Variants in TDRP observed in about 807,000 individuals in gnomAD.
TDRP encodes the protein testis development related protein, also known as testis development-related protein.
TDRP carries 12 observed loss-of-function variants against 10.5 expected under a neutral mutation model. The observed-to-expected ratio is 1.15, with a 90% CI of 0.73 to 1.86. The LOEUF (loss-of-function observed/expected upper bound fraction) is 1.86, where lower values mean the gene tolerates loss of function less well. Among genes scored for constraint, TDRP ranks in the 40% most tolerant of loss-of-function variants. The pLI is 0.00. For synonymous variants in TDRP, 139 were observed against 95.4 expected (o/e 1.46, Z -2.67); for missense variants, 353 against 229.2 (o/e 1.54, Z -3.49).
In TDRP at chr8:492,760, G is replaced by C. The variant is rs372925996; in HGVS notation, c.213-16C>G. On this transcript the variant is annotated splice_polypyrimidine_tract_variant and intron_variant, in intron 2 of 2. Transcript: ENST00000324079. ...TAAGTTAGTTCTATAGGAGATGAAA[G>C]AGTTAGGTGTTGGTGACCCAGGTCT... 21 of 1,564,568 alleles carry C rather than the reference G, an allele frequency of 1.3e-5. No individual in the cohort carries two copies. The highest frequency in any genetic ancestry group is 1.8e-5 in the Admixed American group (1 of 55,054).
In TDRP at chr8:497,091, G is replaced by A. The variant is rs371980527; in HGVS notation, c.109-2494C>T. The stretch of plus-strand genomic sequence containing the variant: ...CACAGAGAATTGGTACGAGAGGAGT[G>A]CGGTACTGCTATAAAGATACCTGAA... On this transcript the variant is annotated intron_variant, in intron 1 of 2. Coordinates refer to ENST00000324079, the MANE Select transcript of TDRP (RefSeq NM_001384899.1). Among the ~76,000 whole-genome samples, 21 of 152,284 alleles carry A rather than the reference G, an allele frequency of 1.4e-4. No individual in the cohort carries two copies. In the East Asian group the frequency reaches 1.5e-3, roughly 11 times the overall value.
chr8:538,350 G>C (rs1043234728), intron 1 of TDRP, among the ~76,000 whole-genome samples: 1 of 152,182 alleles, frequency 6.6e-6, no homozygotes, highest in African/African-American at 2.4e-5. Context: ...AAGGACAAAA[G>C]CGAGGTCCTG....
At chr8:517,252 A>T (rs1801780889) in intron 1 of TDRP, among the ~76,000 whole-genome samples, 1 of 152,112 alleles carries the variant, frequency 6.6e-6, no homozygotes, top group Admixed American at 6.5e-5. Flanking sequence ...AGGAAATAAA[A>T]ATATTTTACC....
At chr8:525,383 T>C (rs1357036496) in intron 1 of TDRP, among the ~76,000 whole-genome samples, 2 of 152,188 alleles carry the variant, frequency 1.3e-5, no homozygotes, top group East Asian at 3.8e-4. Flanking sequence ...CAAAACTTAC[T>C]GGTAATACTA....
chr8:507,834 CAAAAT>C (rs1192971098), intron 1 of TDRP, among the ~76,000 whole-genome samples: 24 of 152,272 alleles, frequency 1.6e-4, no homozygotes, highest in African/African-American at 5.3e-4. Flanking sequence ...ACCTGGGTGA[CAAAAT>C]AATCTGTACA....
At chr8:519,480 G>A (rs927200438) in intron 1 of TDRP, among the ~76,000 whole-genome samples, 2 of 152,064 alleles carry the variant, frequency 1.3e-5, no homozygotes, top group African/African-American at 2.4e-5. Flanking sequence ...CAAGTATAGA[G>A]TTCAATTGCG....
intron 1 of TDRP, among the ~76,000 whole-genome samples, chr8:527,098 A>C (rs1002709253): frequency 1.3e-5 from 2 of 152,132 alleles, no homozygotes; most frequent in Non-Finnish European, 2.9e-5. Context: ...ACAAATTCAA[A>C]ATCAACAGAC....
chr8:519,203 T>C (rs1341906432), intron 1 of TDRP, among the ~76,000 whole-genome samples: 3 of 152,174 alleles, frequency 2.0e-5, no homozygotes, highest in South Asian at 2.1e-4. Context: ...AGTGAACCCA[T>C]CCATGTGCTG....
chr8:520,627 G>A (rs1584872037), intron 1 of TDRP, among the ~76,000 whole-genome samples: 1 of 152,110 alleles, frequency 6.6e-6, no homozygotes, highest in Admixed American at 6.6e-5. Flanking sequence ...TTTTTTGATT[G>A]TAGCCATACT....
At chr8:519,582 C>G (rs988971927) in intron 1 of TDRP, among the ~76,000 whole-genome samples, 1 of 152,296 alleles carries the variant, frequency 6.6e-6, no homozygotes, top group East Asian at 1.9e-4. Flanking sequence ...CCCTCTCCCC[C>G]ACCCTCAGCC....
At chr8:508,927 G>C (rs1012718254) in intron 1 of TDRP, among the ~76,000 whole-genome samples, 3 of 152,206 alleles carry the variant, frequency 2.0e-5, no homozygotes, top group Non-Finnish European at 4.4e-5. Context: ...AAATGTTCCT[G>C]CTTCAAATGG....
chr8:494,040 C>T (rs377225877), intron 2 of TDRP, among the ~76,000 whole-genome samples: 91 of 143,608 alleles, frequency 6.3e-4, no homozygotes, highest in African/African-American at 2.3e-3. Context: ...CTGTTGCCTC[C>T]GTCTCCCACA....
rs57263869 is a variant in TDRP at position 521,246 on chromosome 8, C to CAAAAAAAAAA, written c.108+23394_108+23403dup. 9.9e-3 allele frequency among the ~76,000 whole-genome samples: 796 copies of CAAAAAAAAAA among 80,066 alleles called. 6 individuals carry two copies. The highest frequency in any genetic ancestry group is 0.017 in the Middle Eastern group (2 of 120). 52.5% of individuals were successfully genotyped at this position (80,066 alleles called of 152,430 possible). On this transcript the variant is annotated intron_variant, in intron 1 of 2. Transcript: ENST00000324079. ...TCAAACCCCGTCTCTACTAAAAATC[C>CAAAAAAAAAA]AAAAAAAAAAAAAAAAAAAAAATAG...
chr8:522,235 G>A (rs1241671819), intron 1 of TDRP, among the ~76,000 whole-genome samples: 3 of 152,186 alleles, frequency 2.0e-5, no homozygotes, highest in Non-Finnish European at 4.4e-5. Context: ...GCTGTCAGAT[G>A]CAGATATAAC....
In TDRP at chr8:494,401, A is replaced by C. The variant is rs925766288; in HGVS notation, c.212+93T>G. On this transcript the variant is annotated intron_variant, in intron 2 of 2. Transcript: ENST00000324079. ...CGCGCCCCACAATGCCTCCAGTTAC[A>C]CTGCATTTATGCCATCAAATCTTCA... The C allele has an allele frequency of 2.1e-5, 27 of 1,266,652 alleles. No individual in the cohort carries two copies. The South Asian group carries it at 3.5e-4, about 16-fold the overall frequency. 78.5% of individuals were successfully genotyped at this position (1,266,652 alleles called of 1,614,324 possible). A position where few individuals can be genotyped will look rare whatever the true frequency, so the allele number is the denominator to read the frequency against.
chr8:536,886 C>A (rs1407147451), intron 1 of TDRP, among the ~76,000 whole-genome samples: 1 of 152,164 alleles, frequency 6.6e-6, no homozygotes, highest in East Asian at 1.9e-4. Context: ...ACCCTTCCTG[C>A]TTCCTCTCAA....
chr8:539,501 C>G (rs116308525), intron 1 of TDRP, among the ~76,000 whole-genome samples: 6 of 152,176 alleles, frequency 3.9e-5, no homozygotes, highest in Admixed American at 3.3e-4. Flanking sequence ...CAAACACAGA[C>G]GAAAGAATGA....
chr8:501,962 G>A (rs1037928830), intron 1 of TDRP, among the ~76,000 whole-genome samples: 1 of 152,208 alleles, frequency 6.6e-6, no homozygotes, highest in Non-Finnish European at 1.5e-5. Flanking sequence ...GCTTAGCGCT[G>A]GCATTCAGTG....
chr8:536,050 C>G (rs367593492), intron 1 of TDRP, among the ~76,000 whole-genome samples: 2 of 152,292 alleles, frequency 1.3e-5, no homozygotes, highest in East Asian at 3.9e-4. Context: ...AAAAGTACAC[C>G]TTATCAATTA....
Sources: allele counts gnomAD v4.1 joint callset (sites outside exome capture counted in the v4.1 genomes callset), GRCh38; gene constraint gnomAD v4.1.1; transcripts MANE v1.5; gene names NCBI Gene and HGNC (gene_info 2026-07-23, HGNC 2026-07-21).